Variants in CCDC85C observed in about 807,000 individuals in gnomAD.
CCDC85C encodes coiled-coil domain containing 85C, also known as coiled-coil domain-containing protein 85C.
CCDC85C carries 18 observed loss-of-function variants against 38.3 expected under a neutral mutation model. The observed-to-expected ratio is 0.47, with a 90% CI of 0.33 to 0.70. CCDC85C has a LOEUF of 0.70. CCDC85C is among the 30% of genes least tolerant of loss of function. CCDC85C has a pLI of 0.03. For missense variants in CCDC85C, 566 were observed against 621.2 expected, an observed-to-expected ratio of 0.91 and a Z score of 0.94; for synonymous variants, 264 against 293.8, an observed-to-expected ratio of 0.90 and a Z score of 1.04.
chr14:99,524,421 G>A (rs1398191178), intron 2 of CCDC85C, among the ~76,000 whole-genome samples: 4 of 151,862 alleles, frequency 2.6e-5, no homozygotes, highest in African/African-American at 9.7e-5. Context: ...TTGTGCTGCC[G>A]TCCCCTCCCC....
rs750853717 is a variant in CCDC85C, at chr14:99,510,829, C to T, written c.*4417G>A. ...TGTTTTTTTAACAAGATTTTCTAAT[C>T]GACTTGCAGAGTAGTTGAAGTGGGT... is the stretch of plus-strand genomic sequence containing the variant. On this transcript the variant is annotated 3_prime_UTR_variant, in exon 6 of 6. Transcript: ENST00000380243. The T allele has an allele frequency of 9.8e-5, 135 of 1,375,656 alleles. No homozygotes were observed. Among genetic ancestry groups the T allele is most frequent in the Non-Finnish European group, 1.2e-4 (130 of 1,060,444 alleles). The allele number at this position is 1,375,656 out of a possible 1,614,324, so 85.2% of individuals were successfully genotyped here.
chr14:99,510,308 A>ACCCCCCCCCC lies in CCDC85C; in HGVS notation c.*4937_*4938insGGGGGGGGGG. ...CGCTGCCACACCGGCCCCCGCCCCC[A>ACCCCCCCCCC]CCCCCCTCCAGCTACATGACCGGGA... is the stretch of plus-strand genomic sequence containing the variant. On this transcript the variant is annotated 3_prime_UTR_variant, in exon 6 of 6. Coordinates refer to ENST00000380243, the MANE Select transcript of CCDC85C (RefSeq NM_001144995.2). 2.9e-6 allele frequency: 1 copy of ACCCCCCCCCC among 343,306 alleles called. No homozygotes were observed. The highest frequency in any genetic ancestry group is 4.6e-6 in the Non-Finnish European group (1 of 217,152). 21.3% of individuals were successfully genotyped at this position (343,306 alleles called of 1,614,324 possible). A position where few individuals can be genotyped will look rare whatever the true frequency, so the allele number is the denominator to read the frequency against.
rs574962080 is a variant in CCDC85C at position 99,505,927 on chromosome 14, A to C, written c.*9319T>G. 2.6e-4 allele frequency: 39 copies of C among 152,416 alleles called. No homozygotes were observed. Among genetic ancestry groups the C allele is most frequent in the African/African-American group, 9.1e-4 (38 of 41,584 alleles). The allele number at this position is 152,416 out of a possible 1,614,324, so 9.4% of individuals were successfully genotyped here. A position where few individuals can be genotyped will look rare whatever the true frequency, so the allele number is the denominator to read the frequency against. On this transcript the variant is annotated 3_prime_UTR_variant, in exon 6 of 6. Coordinates refer to ENST00000380243, the MANE Select transcript of CCDC85C (RefSeq NM_001144995.2). Reference sequence around the variant, plus strand: ...GCTCTCAGTTATATTGCTGTTGGACAGCCCTGATGTAGACGGCTTTAGCTA... The same window carrying C: ...GCTCTCAGTTATATTGCTGTTGGACCGCCCTGATGTAGACGGCTTTAGCTA...
In CCDC85C at chr14:99,548,557, C is replaced by A. The variant is rs947037184; in HGVS notation, c.794-12469G>T. On this transcript the variant is annotated intron_variant, in intron 1 of 5. Transcript: ENST00000380243. This position sits in a 1 kb window ranked among gnomAD's most constrained non-coding sequence, Gnocchi z 4.9. The stretch of plus-strand genomic sequence containing the variant: ...ACAGGCACAAGACCGTGTCTGCCAA[C>A]ACCAGCTGTACTAGTGAAAACTGTA... Among the ~76,000 whole-genome samples, 21 of 151,418 alleles carry A rather than the reference C, an allele frequency of 1.4e-4. No homozygotes were observed. Among genetic ancestry groups the A allele is most frequent in the African/African-American group, 5.1e-4 (21 of 41,146 alleles).
At chr14:99,549,177 T>A (rs1897859923) in intron 1 of CCDC85C, among the ~76,000 whole-genome samples, 1 of 152,228 alleles carries the variant, frequency 6.6e-6, no homozygotes, top group Non-Finnish European at 1.5e-5. Context: ...CGCTGTCTCA[T>A]TATTCTCCAA....
intron 2 of CCDC85C, among the ~76,000 whole-genome samples, chr14:99,529,024 TAAAA>T (rs374072326): frequency 6.6e-6 from 1 of 151,590 alleles, no homozygotes; most frequent in East Asian, 1.9e-4. Flanking sequence ...AAAAGGAAAA[TAAAA>T]AAAGAACAAG....
rs1898481798 is a variant in CCDC85C at position 99,576,583 on chromosome 14, A to C, written c.793+26584T>G. ...AGAACCTGTGAGGCCCAGGGAGTCC[A>C]CACAGGGATGCTAGGGGCAGGCAGG... On this transcript the variant is annotated intron_variant, in intron 1 of 5. Coordinates refer to ENST00000380243, the MANE Select transcript of CCDC85C (RefSeq NM_001144995.2). The surrounding 1 kb of genome is among the most constrained non-coding windows in gnomAD (Gnocchi z 4.8). The C allele has an allele frequency of 6.6e-6, 1 of 152,302 alleles. No homozygotes were observed. The highest frequency in any genetic ancestry group is 1.5e-5 in the Non-Finnish European group (1 of 68,120). 9.4% of individuals were successfully genotyped at this position (152,302 alleles called of 1,614,324 possible).
rs3918123 is a variant in CCDC85C, at chr14:99,509,765, C to T, written c.*5481G>A. The T allele has an allele frequency of 3.3e-3, 810 of 247,510 alleles. 7 individuals carry two copies. Among genetic ancestry groups the T allele is most frequent in the East Asian group, 0.022 (241 of 11,020 alleles). 15.3% of individuals were successfully genotyped at this position (247,510 alleles called of 1,614,324 possible). A position where few individuals can be genotyped will look rare whatever the true frequency, so the allele number is the denominator to read the frequency against. ...TTCTGCAAAATGCCACTGCTGCAGA[C>T]AGGAGTTCAGTGTGGCCCTGACCCC... is the stretch of plus-strand genomic sequence containing the variant. On this transcript the variant is annotated 3_prime_UTR_variant, in exon 6 of 6. Transcript: ENST00000380243.
In CCDC85C at chr14:99,520,609, C is replaced by T. The variant is rs1374719704; in HGVS notation, c.975+1524G>A. ...ATCCCACTCCTGGGGGCCTGCCCGC[C>T]GACCAGCCCTGATCATGGCCCCTGA... On this transcript the variant is annotated intron_variant, in intron 3 of 5. Transcript: ENST00000380243. The surrounding 1 kb of genome is among the most constrained non-coding windows in gnomAD (Gnocchi z 4.1). 6.6e-6 allele frequency among the ~76,000 whole-genome samples: 1 copy of T among 151,800 alleles called. No homozygotes were observed. The highest frequency in any genetic ancestry group is 1.5e-5 in the Non-Finnish European group (1 of 67,906).
intron 1 of CCDC85C, 67 bp from the exon 2 acceptor site, chr14:99,536,155 G>A (rs985443882): frequency 8.1e-6 from 9 of 1,115,342 alleles, no homozygotes; most frequent in East Asian, 2.6e-5. Flanking sequence ...GCGCAACCCC[G>A]ACTGGCCCCA....
At chr14:99,573,703 A>G (rs1383841621) in intron 1 of CCDC85C, among the ~76,000 whole-genome samples, 1 of 152,222 alleles carries the variant, frequency 6.6e-6, no homozygotes, top group Non-Finnish European at 1.5e-5. Context: ...CTTGCTCTGC[A>G]CAGCCCTGGG....
At chr14:99,552,778 A>G (rs1367246358) in intron 1 of CCDC85C, among the ~76,000 whole-genome samples, 2 of 152,238 alleles carry the variant, frequency 1.3e-5, no homozygotes, top group African/African-American at 4.8e-5. Flanking sequence ...TTTGGACCCA[A>G]GGTTCTCCCC....
Position 99,588,010 on chromosome 14 carries a change from T to C in CCDC85C, c.793+15157A>G, listed in dbSNP as rs73346445. Among the ~76,000 whole-genome samples, 39,085 of 152,010 alleles carry C rather than the reference T, an allele frequency of 0.26. 5,331 individuals carry two copies. Among genetic ancestry groups the C allele is most frequent in the African/African-American group, 0.34 (14,248 of 41,464 alleles). ...TGCCCTCTGGTCTCCCCTCAGCCCT[T>C]CCAGCTCGCCTGTGCCTGCCAGCCC... On this transcript the variant is annotated intron_variant, in intron 1 of 5. Coordinates refer to ENST00000380243, the MANE Select transcript of CCDC85C (RefSeq NM_001144995.2). This position sits in a 1 kb window ranked among gnomAD's most constrained non-coding sequence, Gnocchi z 5.0.
intron 2 of CCDC85C, chr14:99,522,698 C>T (rs1024283377): frequency 9.2e-4 from 89 of 96,400 alleles, no homozygotes; most frequent in Non-Finnish European, 1.8e-3. Flanking sequence ...CCCACGGGTT[C>T]GGGGCTCTCT....
chr14:99,585,319 A>T (rs971921720), intron 1 of CCDC85C, among the ~76,000 whole-genome samples: 5 of 152,218 alleles, frequency 3.3e-5, no homozygotes, highest in African/African-American at 4.8e-5. Flanking sequence ...ACTAATGGGG[A>T]AAGACTGCTT....
At position 99,588,896 on chromosome 14, in the gene CCDC85C, G is replaced by A. The variant is rs115212029; in HGVS notation, c.793+14271C>T. ...TTCCCCAAGTTCCTCCGGGGTCTCC[G>A]AGCACCATGGATGTGAACCAACTGC... On this transcript the variant is annotated intron_variant, in intron 1 of 5. Transcript: ENST00000380243. The surrounding 1 kb of genome is among the most constrained non-coding windows in gnomAD (Gnocchi z 5.0). 5.4e-3 allele frequency among the ~76,000 whole-genome samples: 816 copies of A among 152,184 alleles called. 6 individuals are homozygous for A. The highest frequency in any genetic ancestry group is 0.019 in the African/African-American group (784 of 41,514).
chr14:99,589,268 G>T (rs2055060167), intron 1 of CCDC85C, among the ~76,000 whole-genome samples: 1 of 152,150 alleles, frequency 6.6e-6, no homozygotes, highest in South Asian at 2.1e-4. Flanking sequence ...CCACGGCCCA[G>T]ATCCGCCAGA....
intron 1 of CCDC85C, among the ~76,000 whole-genome samples, chr14:99,573,296 C>A (rs755807118): frequency 1.3e-5 from 2 of 152,164 alleles, no homozygotes; most frequent in African/African-American, 4.8e-5. Flanking sequence ...CTCAGGGAGC[C>A]GGCTCTGCCT....
Position 99,603,441 on chromosome 14 carries a change from G to GCCGCCC in CCDC85C, c.513_518dup (p.Gly172_Gly173dup), listed in dbSNP as rs1206502886. 4.7e-6 allele frequency: 6 copies of GCCGCCC among 1,267,980 alleles called. No homozygotes were observed. Among genetic ancestry groups the GCCGCCC allele is most frequent in the Admixed American group, 8.0e-5 (2 of 24,938 alleles). The allele number at this position is 1,267,980 out of a possible 1,614,324, so 78.5% of individuals were successfully genotyped here. On this transcript the variant is annotated inframe_insertion, in exon 1 of 6. Coordinates refer to ENST00000380243, the MANE Select transcript of CCDC85C (RefSeq NM_001144995.2). This position sits in a 1 kb window ranked among gnomAD's most constrained non-coding sequence, Gnocchi z 7.5. ...TGTCGATGGAGCTGCGGGAGCCGGC[G>GCCGCCC]CCGCCCCCGCCGCCGCCGCCACCGC...
Sources: allele counts gnomAD v4.1 joint callset (sites outside exome capture counted in the v4.1 genomes callset), GRCh38; gene constraint gnomAD v4.1.1; non-coding constraint Gnocchi (gnomAD v3.1); transcripts MANE v1.5; gene names NCBI Gene and HGNC (gene_info 2026-07-23, HGNC 2026-07-21).